OR2L3: variants seen among roughly 807,000 people sequenced by gnomAD.
OR2L3 encodes the protein olfactory receptor family 2 subfamily L member 3.
For synonymous variants in OR2L3, 131 were observed against 139.1 expected (o/e 0.94, Z 0.41); for missense variants, 369 against 376.6 (o/e 0.98, Z 0.17).
chr1:248,054,660 C>G (rs962839066), intron 1 of OR2L3, among the ~76,000 whole-genome samples: 1 of 152,060 alleles, frequency 6.6e-6, no homozygotes, highest in Non-Finnish European at 1.5e-5. Flanking sequence ...CCTTCACTTC[C>G]CTTATTAGCT....
rs1663593526 is a variant in OR2L3 at position 248,060,666 on chromosome 1, A to G, written c.-16A>G. ...ACCCTTGTGTCTCCCTTCAGGAAAG[A>G]GCACACGAATGCCCCATGGAAAATT... is the stretch of plus-strand genomic sequence containing the variant. On this transcript the variant is annotated 5_prime_UTR_variant, in exon 2 of 2. Coordinates refer to ENST00000359959, the MANE Select transcript of OR2L3 (RefSeq NM_001004687.2). The G allele has an allele frequency of 6.3e-7, 1 of 1,593,798 alleles. No individual in the cohort carries two copies. The highest frequency in any genetic ancestry group is 1.7e-5 in the Admixed American group (1 of 59,478).
intron 1 of OR2L3, among the ~76,000 whole-genome samples, chr1:248,047,443 T>G (rs749650350): frequency 6.2e-4 from 95 of 152,126 alleles, no homozygotes; most frequent in Non-Finnish European, 1.0e-3. Context: ...ACGAGAATGG[T>G]TAAAATCACC....
intron 1 of OR2L3, among the ~76,000 whole-genome samples, chr1:248,058,496 C>T (rs1274227217): frequency 6.6e-6 from 1 of 151,710 alleles, no homozygotes; most frequent in Non-Finnish European, 1.5e-5. Flanking sequence ...TTTATTGCTA[C>T]AATACAAAAA....
chr1:248,061,855 A>C lies in OR2L3; in HGVS notation c.*235A>C. 2 of 366,226 alleles carry C rather than the reference A, an allele frequency of 5.5e-6. No homozygotes were observed. Among genetic ancestry groups the C allele is most frequent in the Non-Finnish European group, 9.7e-6 (2 of 205,844 alleles). 22.7% of individuals were successfully genotyped at this position (366,226 alleles called of 1,614,324 possible). A position where few individuals can be genotyped will look rare whatever the true frequency, so the allele number is the denominator to read the frequency against. ...AATTTTGAAAGCACCTACTTTTACT[A>C]ATATGTTGTCAATGAGAATTTTTGT... is the stretch of plus-strand genomic sequence containing the variant. On this transcript the variant is annotated 3_prime_UTR_variant, in exon 2 of 2. Coordinates refer to ENST00000359959, the MANE Select transcript of OR2L3 (RefSeq NM_001004687.2).
intron 1 of OR2L3, among the ~76,000 whole-genome samples, chr1:248,049,405 G>A (rs1663185038): frequency 6.6e-6 from 1 of 152,276 alleles, no homozygotes; most frequent in Admixed American, 6.5e-5. Flanking sequence ...TTGGAGAGTC[G>A]TAAATATTAC....
intron 1 of OR2L3, among the ~76,000 whole-genome samples, chr1:248,059,166 ATGCTGTG>A (rs1322102743): frequency 5.9e-5 from 9 of 152,220 alleles, no homozygotes; most frequent in African/African-American, 2.2e-4. Flanking sequence ...GTGTGTTTGC[ATGCTGTG>A]TGAATGTTAG....
intron 1 of OR2L3, among the ~76,000 whole-genome samples, chr1:248,047,345 TG>T (rs1663109362): frequency 6.6e-6 from 1 of 152,184 alleles, no homozygotes; most frequent in African/African-American, 2.4e-5. Flanking sequence ...TTACCTTATA[TG>T]AATCCAGTGT....
At chr1:248,055,151 G>C (rs1045826358) in intron 1 of OR2L3, among the ~76,000 whole-genome samples, 1 of 152,094 alleles carries the variant, frequency 6.6e-6, no homozygotes, top group Non-Finnish European at 1.5e-5. Flanking sequence ...AACATGAAGG[G>C]AAGTCGAATT....
intron 1 of OR2L3, among the ~76,000 whole-genome samples, chr1:248,052,456 C>T (rs1030877294): frequency 6.6e-5 from 10 of 152,036 alleles, no homozygotes; most frequent in East Asian, 3.9e-4. Flanking sequence ...TGGCCTGGTG[C>T]GGTGGCTCAT....
intron 1 of OR2L3, among the ~76,000 whole-genome samples, chr1:248,054,209 T>C (rs372072285): frequency 5.4e-4 from 83 of 152,324 alleles, no homozygotes; most frequent in African/African-American, 1.9e-3. Flanking sequence ...ATTTATTAAA[T>C]AGGGAATCTT....
intron 1 of OR2L3, among the ~76,000 whole-genome samples, chr1:248,050,853 A>AT (rs1179251249): frequency 6.6e-6 from 1 of 151,976 alleles, no homozygotes; most frequent in African/African-American, 2.4e-5. Flanking sequence ...GCTCTTCTAA[A>AT]TTTTTTTTCA....
chr1:248,047,793 T>C (rs573560921), intron 1 of OR2L3, among the ~76,000 whole-genome samples: 1 of 152,272 alleles, frequency 6.6e-6, no homozygotes, highest in Non-Finnish European at 1.5e-5. Context: ...GTGTAAGTGA[T>C]AGTGATTATG....
At chr1:248,059,877 A>G (rs1306974907) in intron 1 of OR2L3, among the ~76,000 whole-genome samples, 1 of 152,074 alleles carries the variant, frequency 6.6e-6, no homozygotes, top group Admixed American at 6.6e-5. Context: ...CTTCATGTCT[A>G]CAAAAATAGA....
At chr1:248,053,442 T>G (rs1220773498) in intron 1 of OR2L3, among the ~76,000 whole-genome samples, 1 of 152,208 alleles carries the variant, frequency 6.6e-6, no homozygotes, top group Non-Finnish European at 1.5e-5. Flanking sequence ...TATAATAGAA[T>G]AATTTATATT....
At chr1:248,048,695 T>C (rs1025685650) in intron 1 of OR2L3, among the ~76,000 whole-genome samples, 4 of 152,128 alleles carry the variant, frequency 2.6e-5, no homozygotes, top group African/African-American at 9.7e-5. Context: ...CCCAGCCCTA[T>C]GTGCAAGTAA....
At chr1:248,054,138 G>A (rs560280815) in intron 1 of OR2L3, among the ~76,000 whole-genome samples, 82 of 152,230 alleles carry the variant, frequency 5.4e-4, no homozygotes, top group Non-Finnish European at 6.5e-4. Flanking sequence ...TTTTGTGTAA[G>A]GTGTAAGGAA....
At chr1:248,051,009 C>T (rs570001234) in intron 1 of OR2L3, among the ~76,000 whole-genome samples, 1 of 152,250 alleles carries the variant, frequency 6.6e-6, no homozygotes, top group East Asian at 1.9e-4. Flanking sequence ...TGCAAATATA[C>T]TTAAGAGGAA....
In OR2L3 at chr1:248,049,163, C is replaced by T. The variant is rs531810971; in HGVS notation, c.-22+2283C>T. Among the ~76,000 whole-genome samples, 350 of 152,228 alleles carry T rather than the reference C, an allele frequency of 2.3e-3. 5 individuals carry two copies. Among genetic ancestry groups the T allele is most frequent in the Middle Eastern group, 3.4e-3 (1 of 294 alleles). ...CTCTGTCACTAGGTCACTGCACAGT[C>T]GTGAATAACTCTCTTCAAATCTTGT... On this transcript the variant is annotated intron_variant, in intron 1 of 1. Coordinates refer to ENST00000359959, the MANE Select transcript of OR2L3 (RefSeq NM_001004687.2).
chr1:248,056,888 A>G (rs909308366), intron 1 of OR2L3, among the ~76,000 whole-genome samples: 17 of 151,630 alleles, frequency 1.1e-4, no homozygotes, highest in African/African-American at 3.9e-4. Flanking sequence ...GAGCTCAGGC[A>G]ATCTGCCCGC....
Sources: allele counts gnomAD v4.1 joint callset (sites outside exome capture counted in the v4.1 genomes callset), GRCh38; gene constraint gnomAD v4.1.1; transcripts MANE v1.5; gene names NCBI Gene and HGNC (gene_info 2026-07-23, HGNC 2026-07-21).